Variants in FMNL2 observed in about 807,000 individuals in gnomAD.
FMNL2 encodes the protein formin-like protein 2.
In FMNL2, 51 loss-of-function variants were observed where a neutral mutation model predicts 130.2. That is an observed-to-expected ratio of 0.39 (90% CI 0.31 to 0.49). FMNL2 has a LOEUF of 0.49. Among genes scored for constraint, FMNL2 ranks in the 20% least tolerant of loss-of-function variants. The pLI is 0.85. For missense variants in FMNL2, 977 were observed against 1,316.2 expected (o/e 0.74, Z 3.99); for synonymous variants, 465 against 467.1 (o/e 1.00, Z 0.06).
chr2:152,643,561 T>G (rs1683284241), intron 25 of FMNL2: 22 of 1,535,172 alleles, frequency 1.4e-5, no homozygotes, highest in Non-Finnish European at 1.9e-5. Flanking sequence ...ACAGGTTTTT[T>G]GATGTCTTAT....
In FMNL2 at chr2:152,378,986, C is replaced by CAAAAAA. The variant is rs34091948; in HGVS notation, c.117+43287_117+43292dup. ...AGAGAAGGACTGAATAGACCAGCTG[C>CAAAAAA]AAAAAAAAAAAAAAAAAAAAAAAAA... On this transcript the variant is annotated intron_variant, in intron 1 of 25. Coordinates refer to ENST00000288670, the MANE Select transcript of FMNL2 (RefSeq NM_052905.4). 1.9e-4 allele frequency among the ~76,000 whole-genome samples: 8 copies of CAAAAAA among 41,980 alleles called. 1 individual carries two copies. The highest frequency in any genetic ancestry group is 1.1e-3 in the East Asian group (1 of 944). 27.5% of individuals were successfully genotyped at this position (41,980 alleles called of 152,430 possible).
chr2:152,609,038 G>A (rs553812371), intron 10 of FMNL2, among the ~76,000 whole-genome samples: 1 of 152,208 alleles, frequency 6.6e-6, no homozygotes, highest in Non-Finnish European at 1.5e-5. Flanking sequence ...TTCCCTTTGC[G>A]TGACACACAG....
At chr2:152,377,057 C>T (rs1019730608) in intron 1 of FMNL2, among the ~76,000 whole-genome samples, 5 of 152,224 alleles carry the variant, frequency 3.3e-5, no homozygotes, top group African/African-American at 1.2e-4. Context: ...TTACCAATCT[C>T]TCTCGAGTTA....
chr2:152,624,790 T>C (rs1386623007), intron 15 of FMNL2, among the ~76,000 whole-genome samples: 1 of 152,166 alleles, frequency 6.6e-6, no homozygotes, highest in African/African-American at 2.4e-5. Flanking sequence ...CGAGCCATGA[T>C]TGCGGCACTG....
intron 1 of FMNL2, among the ~76,000 whole-genome samples, chr2:152,349,232 G>A (rs2105767609): frequency 6.6e-6 from 1 of 152,296 alleles, no homozygotes; most frequent in East Asian, 1.9e-4. Context: ...CCAGTCCTAG[G>A]TCTTCATACT....
intron 9 of FMNL2, among the ~76,000 whole-genome samples, chr2:152,582,619 G>A (rs1468714508): frequency 2.0e-5 from 3 of 152,054 alleles, no homozygotes; most frequent in Non-Finnish European, 4.4e-5. Flanking sequence ...AGATTTTAGA[G>A]ACAAGAATGT....
intron 1 of FMNL2, among the ~76,000 whole-genome samples, chr2:152,426,484 T>C (rs925387206): frequency 6.6e-6 from 1 of 152,226 alleles, no homozygotes; most frequent in African/African-American, 2.4e-5. Context: ...AAGCATTGTT[T>C]GTATGTATAG....
chr2:152,468,577 A>AT (rs1489769330), intron 1 of FMNL2, among the ~76,000 whole-genome samples: 1 of 152,120 alleles, frequency 6.6e-6, no homozygotes, highest in African/African-American at 2.4e-5. Context: ...CTTATTTTGC[A>AT]TTTTTTCCCC....
intron 1 of FMNL2, among the ~76,000 whole-genome samples, chr2:152,485,445 C>T (rs1384670052): frequency 6.6e-6 from 1 of 152,068 alleles, no homozygotes; most frequent in Non-Finnish European, 1.5e-5. Flanking sequence ...CCCAGCTACT[C>T]GGGAGGCTGA....
chr2:152,419,815 G>T (rs1292035423), intron 1 of FMNL2, among the ~76,000 whole-genome samples: 2 of 152,066 alleles, frequency 1.3e-5, no homozygotes, highest in African/African-American at 4.8e-5. Flanking sequence ...AACTCTGGGG[G>T]AGCTTTATCA....
chr2:152,517,355 A>G (rs142940386), intron 1 of FMNL2, among the ~76,000 whole-genome samples: 30 of 152,296 alleles, frequency 2.0e-4, no homozygotes, highest in African/African-American at 7.0e-4. Context: ...TCAGTATTCA[A>G]CAACCTGCTT....
intron 11 of FMNL2, among the ~76,000 whole-genome samples, chr2:152,614,527 G>A (rs903333555): frequency 3.9e-5 from 6 of 151,966 alleles, no homozygotes; most frequent in Admixed American, 6.6e-5. Context: ...GGTGGATCAC[G>A]AGGTCAGGAG....
intron 1 of FMNL2, among the ~76,000 whole-genome samples, chr2:152,345,716 T>C (rs1682079325): frequency 2.0e-5 from 3 of 152,214 alleles, no homozygotes; most frequent in Non-Finnish European, 4.4e-5. Context: ...GGGACCAGGA[T>C]GCCATAAACT....
chr2:152,457,214 G>T (rs1042001478), intron 1 of FMNL2, among the ~76,000 whole-genome samples: 1 of 151,904 alleles, frequency 6.6e-6, no homozygotes, highest in African/African-American at 2.4e-5. Flanking sequence ...GAGAAATTAA[G>T]ATTTGTTTGT....
At chr2:152,415,754 C>T (rs180850393) in intron 1 of FMNL2, among the ~76,000 whole-genome samples, 10 of 152,230 alleles carry the variant, frequency 6.6e-5, no homozygotes, top group Admixed American at 3.9e-4. Flanking sequence ...GAGATAGTGC[C>T]GCCTTTAAAC....
chr2:152,589,296 A>G (rs1451306106), intron 9 of FMNL2, among the ~76,000 whole-genome samples: 1 of 149,864 alleles, frequency 6.7e-6, no homozygotes, highest in Non-Finnish European at 1.5e-5. Flanking sequence ...TTTTAAATGT[A>G]GCAGCCACTT....
intron 1 of FMNL2, among the ~76,000 whole-genome samples, chr2:152,490,176 T>C (rs557963780): frequency 4.3e-4 from 65 of 151,006 alleles, no homozygotes; most frequent in Non-Finnish European, 7.4e-4. Flanking sequence ...CGGGGAAACT[T>C]GCAAAAAAAG....
intron 1 of FMNL2, among the ~76,000 whole-genome samples, chr2:152,446,941 G>A (rs1480018201): frequency 6.6e-6 from 1 of 151,974 alleles, no homozygotes; most frequent in African/African-American, 2.4e-5. Flanking sequence ...AAGGAGGGAA[G>A]GAAGTGGTAA....
intron 1 of FMNL2, among the ~76,000 whole-genome samples, chr2:152,380,308 G>A (rs566582303): frequency 6.6e-6 from 1 of 152,276 alleles, no homozygotes; most frequent in African/African-American, 2.4e-5. Flanking sequence ...GGTGAGCCTT[G>A]GAAAGCTTTT....
Sources: gnomAD v4.1 joint callset for allele counts (sites outside exome capture counted in the v4.1 genomes callset) on GRCh38, gnomAD v4.1.1 for gene constraint, MANE v1.5 for transcripts, NCBI Gene and HGNC (gene_info 2026-07-23, HGNC 2026-07-21) for gene names.